Variants in DLGAP2 observed in about 807,000 individuals in gnomAD.
DLGAP2 encodes DLG associated protein 2.
Under a neutral mutation model 100.3 loss-of-function variants are expected in DLGAP2, and 26 were observed. The ratio of observed to expected loss-of-function variants is 0.26; its 90% CI spans 0.19 to 0.36. The LOEUF (loss-of-function observed/expected upper bound fraction) is 0.36, where lower values mean the gene tolerates loss of function less well. Among genes scored for constraint, DLGAP2 ranks in the 10% least tolerant of loss-of-function variants. DLGAP2 has a pLI of 1.00. For missense variants in DLGAP2, 1,858 were observed against 1,453.2 expected (o/e 1.28, Z -4.53); for synonymous variants, 886 against 630.1 (o/e 1.41, Z -6.08).
intron 6 of DLGAP2, among the ~76,000 whole-genome samples, chr8:1,618,021 A>T (rs1413603494): frequency 6.6e-6 from 1 of 152,106 alleles, no homozygotes. Flanking sequence ...GCAACATTTA[A>T]CTCCCTCCGT....
intron 3 of DLGAP2, among the ~76,000 whole-genome samples, chr8:1,478,759 G>A (rs939783550): frequency 6.6e-6 from 1 of 152,194 alleles, no homozygotes; most frequent in Non-Finnish European, 1.5e-5. Flanking sequence ...CGGCTCCTCA[G>A]TATGAGAGGT....
chr8:1,017,669 A>ACAGACGGC (rs1801505763), intron 2 of DLGAP2, among the ~76,000 whole-genome samples: 1 of 151,964 alleles, frequency 6.6e-6, no homozygotes, highest in African/African-American at 2.4e-5. Flanking sequence ...TGTGACCAGG[A>ACAGACGGC]GCCTTTTGGC....
intron 3 of DLGAP2, among the ~76,000 whole-genome samples, chr8:1,315,384 CA>C (rs1339434723): frequency 3.5e-5 from 5 of 141,854 alleles, no homozygotes; most frequent in Non-Finnish European, 3.0e-5. Context: ...GTCTCTCCAA[CA>C]GTGGTCTACA....
intron 3 of DLGAP2, among the ~76,000 whole-genome samples, chr8:1,271,826 T>C (rs1048846199): frequency 4.1e-4 from 62 of 152,318 alleles, no homozygotes; most frequent in African/African-American, 1.2e-3. Flanking sequence ...ATGAATTTAT[T>C]TTTTAAGAGA....
chr8:1,431,108 T>C (rs775153639), intron 3 of DLGAP2, among the ~76,000 whole-genome samples: 3 of 152,234 alleles, frequency 2.0e-5, no homozygotes, highest in Non-Finnish European at 2.9e-5. Flanking sequence ...ACTACTATTA[T>C]TTCAATTGTT....
chr8:1,452,499 G>T (rs1798190856), intron 3 of DLGAP2, among the ~76,000 whole-genome samples: 2 of 152,220 alleles, frequency 1.3e-5, no homozygotes, highest in Admixed American at 6.5e-5. Flanking sequence ...CCGCTAGGAT[G>T]CCCGATGCTT....
intron 4 of DLGAP2, among the ~76,000 whole-genome samples, chr8:1,539,733 G>A (rs997718626): frequency 5.3e-5 from 8 of 152,280 alleles, no homozygotes; most frequent in African/African-American, 1.2e-4. Context: ...ACATTGCATC[G>A]CTTTGCATGT....
At chr8:1,155,099 C>A (rs905323745) in intron 2 of DLGAP2, among the ~76,000 whole-genome samples, 15 of 152,346 alleles carry the variant, frequency 9.8e-5, no homozygotes, top group African/African-American at 3.6e-4. Context: ...GAGGGGCCGT[C>A]TTAAACCCTG....
chr8:1,470,139 G>T (rs891018255), intron 3 of DLGAP2, among the ~76,000 whole-genome samples: 1 of 152,122 alleles, frequency 6.6e-6, no homozygotes, highest in East Asian at 1.9e-4. Context: ...TGCAGCCTGG[G>T]TGACAGGGCC....
chr8:1,078,384 G>A (rs1365855746), intron 2 of DLGAP2, among the ~76,000 whole-genome samples: 8 of 152,090 alleles, frequency 5.3e-5, no homozygotes, highest in African/African-American at 9.7e-5. Flanking sequence ...ATTGGTTACC[G>A]TTGAGGAACC....
At chr8:1,495,783 G>A (rs112371556) in intron 3 of DLGAP2, among the ~76,000 whole-genome samples, 2,886 of 152,296 alleles carry the variant, frequency 0.019, 27 homozygotes, top group Admixed American at 0.028. Context: ...GTATGCTTTC[G>A]CTTTCTAGTG....
chr8:1,298,661 C>T (rs1171529076), intron 3 of DLGAP2, among the ~76,000 whole-genome samples: 1 of 152,160 alleles, frequency 6.6e-6, no homozygotes, highest in Non-Finnish European at 1.5e-5. Flanking sequence ...CAGCAGGCAC[C>T]TCGGCCATGG....
chr8:781,369 C>G (rs1203083404), intron 1 of DLGAP2, among the ~76,000 whole-genome samples: 1 of 151,982 alleles, frequency 6.6e-6, no homozygotes, highest in Non-Finnish European at 1.5e-5. Context: ...TAAAGCTATT[C>G]ATGGAAGGGT....
intron 2 of DLGAP2, among the ~76,000 whole-genome samples, chr8:1,058,886 A>G (rs1242647372): frequency 6.6e-6 from 1 of 152,198 alleles, no homozygotes; most frequent in East Asian, 1.9e-4. Context: ...TGATGGCCAC[A>G]CCCACCTGTG....
At chr8:1,686,833 T>C (rs1022623841) in intron 12 of DLGAP2, among the ~76,000 whole-genome samples, 1 of 152,178 alleles carries the variant, frequency 6.6e-6, no homozygotes, top group African/African-American at 2.4e-5. Context: ...GAAAACATGG[T>C]TAATAATGTA....
chr8:1,477,104 CAT>C (rs766944526), intron 3 of DLGAP2, among the ~76,000 whole-genome samples: 1 of 143,972 alleles, frequency 6.9e-6, no homozygotes, highest in African/African-American at 2.4e-5. Flanking sequence ...GCACTGCACA[CAT>C]AGCCTTTTAT....
chr8:1,481,098 G>A (rs1246238123), intron 3 of DLGAP2, among the ~76,000 whole-genome samples: 1 of 152,126 alleles, frequency 6.6e-6, no homozygotes, highest in Non-Finnish European at 1.5e-5. Context: ...CGTGAACCTG[G>A]GAGGCGGAGC....
At chr8:790,965 A>G (rs1034620482) in intron 1 of DLGAP2, among the ~76,000 whole-genome samples, 1 of 152,024 alleles carries the variant, frequency 6.6e-6, no homozygotes, top group Non-Finnish European at 1.5e-5. Flanking sequence ...GTGGTCTAGA[A>G]CCCCTGACTT....
In DLGAP2 at chr8:1,079,889, G is replaced by T. The variant is rs556609452; in HGVS notation, c.73+171923G>T. Among the ~76,000 whole-genome samples the T allele has an allele frequency of 2.6e-5, 4 of 152,344 alleles. No homozygotes were observed. In the East Asian group the frequency reaches 7.7e-4, roughly 29 times the overall value. On this transcript the variant is annotated intron_variant, in intron 2 of 14. Transcript: ENST00000637795. ...TTGATTGGACGTGGCAGGCAGCTGG[G>T]GCCGCACGGCCCTGTGAGGGCACAG...
Sources: gnomAD v4.1 joint callset for allele counts (sites outside exome capture counted in the v4.1 genomes callset) on GRCh38, gnomAD v4.1.1 for gene constraint, MANE v1.5 for transcripts, NCBI Gene and HGNC (gene_info 2026-07-23, HGNC 2026-07-21) for gene names.